Variants in IL6ST observed in about 807,000 individuals in gnomAD.
IL6ST encodes the protein interleukin-6 receptor subunit beta.
A neutral mutation model predicts 91.3 loss-of-function variants in IL6ST; 24 were observed. That is an observed-to-expected ratio of 0.26 (90% CI 0.19 to 0.37). The LOEUF (loss-of-function observed/expected upper bound fraction) is 0.37. Ranked by LOEUF, IL6ST falls within the 10% of genes least tolerant of loss-of-function variation. The pLI, the probability that IL6ST is intolerant of heterozygous loss-of-function variation, is 1.00. For missense variants in IL6ST, 914 were observed against 1,078.5 expected (o/e 0.85, Z 2.14); for synonymous variants, 351 against 373.6 (o/e 0.94, Z 0.70).
chr5:55,976,346 A>C, intron 2 of IL6ST, 53 bp from the exon 3 acceptor site: 1 of 928,968 alleles, frequency 1.1e-6, no homozygotes, highest in Non-Finnish European at 1.6e-6. Flanking sequence ...TTATATACAC[A>C]TAATTTAAGA....
At chr5:55,966,854 A>G (rs1246592871) in intron 5 of IL6ST, among the ~76,000 whole-genome samples, 1 of 152,142 alleles carries the variant, frequency 6.6e-6, no homozygotes, top group Non-Finnish European at 1.5e-5. Context: ...ACCCGAAACC[A>G]CTGCTCAATC....
Position 55,937,421 on chromosome 5 carries a change from G to A in IL6ST, c.*3661C>T, listed in dbSNP as rs965226926. ...GTAGCATGTATGATGGAAAAAAATAGGTTAATGCAAAAGATAATACGCTTG... is the reference window on the plus strand; with the variant it reads ...GTAGCATGTATGATGGAAAAAAATAAGTTAATGCAAAAGATAATACGCTTG... On this transcript the variant is annotated 3_prime_UTR_variant, in exon 17 of 17. Transcript: ENST00000381298. The A allele has an allele frequency of 9.4e-6, 2 of 212,380 alleles. No individual in the cohort carries two copies. The highest frequency in any genetic ancestry group is 1.9e-4 in the South Asian group (1 of 5,356). The allele number at this position is 212,380 out of a possible 1,614,324, so 13.2% of individuals were successfully genotyped here. A position where few individuals can be genotyped will look rare whatever the true frequency, so the allele number is the denominator to read the frequency against.
chr5:55,985,395 T>C (rs541221011), intron 1 of IL6ST, among the ~76,000 whole-genome samples: 3 of 151,776 alleles, frequency 2.0e-5, no homozygotes, highest in Non-Finnish European at 4.4e-5. Flanking sequence ...TGCACATCTG[T>C]AATCCCAGCT....
intron 5 of IL6ST, among the ~76,000 whole-genome samples, chr5:55,966,341 C>T (rs1487403652): frequency 6.6e-6 from 1 of 152,046 alleles, no homozygotes; most frequent in Non-Finnish European, 1.5e-5. Flanking sequence ...CAGGTAGTTG[C>T]TCATGGGGTG....
At position 55,969,640 on chromosome 5, in the gene IL6ST, T is replaced by C; in HGVS notation, c.280A>G (p.Ile94Val). The C allele has an allele frequency of 1.2e-6, 2 of 1,611,862 alleles. No individual in the cohort carries two copies. The highest frequency in any genetic ancestry group is 2.2e-5 in the East Asian group (1 of 44,812). Residue 94 changes from isoleucine (I) to valine (V), a missense_variant, in exon 4 of 17, where the codon ATA becomes GTA. Transcript: ENST00000381298. ...GTGAGCTGAATATTTAATGAAGCTA[T>C]ATCTGTAAAGGTGACACTGGATGCT... is the stretch of plus-strand genomic sequence containing the variant. The part of the protein sequence containing the change: ...RTASSVTFTD[I>V]ASLNIQLTCN...
chr5:55,975,384 A>G (rs1753227575), intron 3 of IL6ST, among the ~76,000 whole-genome samples: 4 of 152,182 alleles, frequency 2.6e-5, no homozygotes, highest in African/African-American at 9.6e-5. Context: ...GTCTTCTGCC[A>G]TGACTGGAAA....
At chr5:55,942,878 C>A (rs1751005982) in intron 15 of IL6ST, 127 bp from the exon 16 acceptor site, 3 of 535,278 alleles carry the variant, frequency 5.6e-6, no homozygotes, top group Non-Finnish European at 3.4e-6. Flanking sequence ...ACAAAAAATA[C>A]CTACTCTACC....
intron 1 of IL6ST, among the ~76,000 whole-genome samples, chr5:55,992,884 GT>G (rs1192429356): frequency 6.6e-6 from 1 of 152,044 alleles, no homozygotes; most frequent in African/African-American, 2.4e-5. Context: ...CATCCTTGTA[GT>G]TTTTTTCGTA....
chr5:55,958,693 G>A (rs1291106938), intron 8 of IL6ST, among the ~76,000 whole-genome samples: 1 of 151,960 alleles, frequency 6.6e-6, no homozygotes, highest in African/African-American at 2.4e-5. Context: ...ACAAAAATTT[G>A]CTGGGCATGG....
intron 14 of IL6ST, among the ~76,000 whole-genome samples, chr5:55,948,696 TTA>T (rs1317682542): frequency 6.6e-6 from 1 of 152,168 alleles, no homozygotes; most frequent in Non-Finnish European, 1.5e-5. Flanking sequence ...ACATCTGCTT[TTA>T]TGTTTTCAAG....
Position 55,987,702 on chromosome 5 carries a change from G to T in IL6ST, c.-103-4891C>A, listed in dbSNP as rs182776290. On this transcript the variant is annotated intron_variant, in intron 1 of 16. Coordinates refer to ENST00000381298, the MANE Select transcript of IL6ST (RefSeq NM_002184.4). The stretch of plus-strand genomic sequence containing the variant: ...GTACCACCACCACCTACCCATCTAG[G>T]AATGTTATGATGATTAAATAACTCA... Among the ~76,000 whole-genome samples, 3 of 152,194 alleles carry T rather than the reference G, an allele frequency of 2.0e-5. No homozygotes were observed. In the East Asian group the frequency reaches 5.8e-4, roughly 29 times the overall value.
At chr5:55,972,296 AG>A (rs1753010792) in intron 3 of IL6ST, among the ~76,000 whole-genome samples, 1 of 150,652 alleles carries the variant, frequency 6.6e-6, no homozygotes, top group Non-Finnish European at 1.5e-5. Flanking sequence ...GTGGATCACG[AG>A]GTCAGGAGAT....
chr5:55,944,013 G>A (rs1751083613), intron 15 of IL6ST, among the ~76,000 whole-genome samples: 1 of 152,112 alleles, frequency 6.6e-6, no homozygotes, highest in African/African-American at 2.4e-5. Flanking sequence ...AGAAGGTGGG[G>A]GTTGCAGTGA....
rs886976891 is a variant in IL6ST, at chr5:55,951,678, G to A, written c.1700-74C>T. On this transcript the variant is annotated intron_variant, in intron 13 of 16. Coordinates refer to ENST00000381298, the MANE Select transcript of IL6ST (RefSeq NM_002184.4). The stretch of plus-strand genomic sequence containing the variant: ...TTATTTGGCCTATATTTGGCATTGT[G>A]AAAGTGTTAAAAAAGAAGCGAAGTA... 1.8e-5 allele frequency: 25 copies of A among 1,406,182 alleles called. No homozygotes were observed. The African/African-American group carries it at 3.5e-4, about 20-fold the overall frequency. The allele number at this position is 1,406,182 out of a possible 1,614,324, so 87.1% of individuals were successfully genotyped here. A position where few individuals can be genotyped will look rare whatever the true frequency, so the allele number is the denominator to read the frequency against.
rs1287218597 is a variant in IL6ST, at chr5:55,936,685, G to A, written c.*4397C>T. The A allele has an allele frequency of 5.2e-6, 1 of 193,324 alleles. No homozygotes were observed. Among genetic ancestry groups the A allele is most frequent in the African/African-American group, 2.3e-5 (1 of 43,302 alleles). The allele number at this position is 193,324 out of a possible 1,614,324, so 12.0% of individuals were successfully genotyped here. On this transcript the variant is annotated 3_prime_UTR_variant, in exon 17 of 17. Transcript: ENST00000381298. Reference sequence around the variant, plus strand: ...TATTTATTTCTTAAAATTTACTTAAGGGATTAGAGCTAATATATAATAGAA... The same window carrying A: ...TATTTATTTCTTAAAATTTACTTAAAGGATTAGAGCTAATATATAATAGAA...
chr5:55,982,445 G>A (rs1753724138), intron 2 of IL6ST, among the ~76,000 whole-genome samples: 1 of 152,098 alleles, frequency 6.6e-6, no homozygotes, highest in Non-Finnish European at 1.5e-5. Context: ...CAGTGTTACT[G>A]TGAATAAACT....
chr5:55,986,030 G>A (rs190890600), intron 1 of IL6ST, among the ~76,000 whole-genome samples: 245 of 152,290 alleles, frequency 1.6e-3, no homozygotes, highest in African/African-American at 5.6e-3. Flanking sequence ...CCACACTGTC[G>A]TGATGACTTT....
chr5:55,979,784 CTTTAT>C (rs1457659605), intron 2 of IL6ST, among the ~76,000 whole-genome samples: 1 of 152,190 alleles, frequency 6.6e-6, no homozygotes, highest in Non-Finnish European at 1.5e-5. Flanking sequence ...AATGATTCTA[CTTTAT>C]TTTATCCTAC....
At chr5:55,967,309 C>CAAAAAAAAAAAAAAAA (rs60547666) in intron 5 of IL6ST, among the ~76,000 whole-genome samples, 2 of 31,904 alleles carry the variant, frequency 6.3e-5, no homozygotes, top group Non-Finnish European at 9.4e-5. Flanking sequence ...GACTCCATCT[C>CAAAAAAAAAAAAAAAA]AAAAAAAAAA....
Sources: allele counts gnomAD v4.1 joint callset (sites outside exome capture counted in the v4.1 genomes callset), GRCh38; gene constraint gnomAD v4.1.1; transcripts MANE v1.5; gene names NCBI Gene and HGNC (gene_info 2026-07-23, HGNC 2026-07-21).